Variants in MIB1 observed in about 807,000 individuals in gnomAD.
MIB1 encodes the protein MIB E3 ubiquitin protein ligase 1, also known as E3 ubiquitin-protein ligase MIB1.
Under a neutral mutation model 124.5 loss-of-function variants are expected in MIB1, and 278 were observed. That is an observed-to-expected ratio of 2.23 (90% CI 2.02 to 2.47). The LOEUF (loss-of-function observed/expected upper bound fraction) is 2.47. MIB1 is among the 30% of genes most tolerant of loss of function. The pLI, the probability that MIB1 is intolerant of heterozygous loss-of-function variation, is 0.00. For missense variants in MIB1, 957 were observed against 1,254.4 expected (o/e 0.76, Z 3.58); for synonymous variants, 446 against 429.4 (o/e 1.04, Z -0.48).
chr18:21,841,444 A>T (rs898335014), intron 13 of MIB1, among the ~76,000 whole-genome samples: 1 of 152,214 alleles, frequency 6.6e-6, no homozygotes. Context: ...CACTTTACTA[A>T]AGGAGATATA....
At position 21,849,234 on chromosome 18, in the gene MIB1, A is replaced by G. The variant is rs757717286; in HGVS notation, c.2432A>G (p.Asn811Ser). The G allele has an allele frequency of 5.6e-6, 9 of 1,603,618 alleles. No homozygotes were observed. The African/African-American group carries it at 9.4e-5, about 17-fold the overall frequency. ...TCTCGGAGTCCTTCTATGATTAGTA[A>G]TGATTCTGAAACCTTAGAAGAGTGT... The part of the protein sequence containing the change: ...VGSRSPSMIS[N>S]DSETLEECMV... Residue 811 changes from asparagine to serine, a missense_variant, in exon 17 of 21, where the codon AAT (asparagine) becomes AGT (serine). Transcript: ENST00000261537.
At chr18:21,708,436 T>C (rs373472425) in intron 1 of MIB1, among the ~76,000 whole-genome samples, 30 of 152,014 alleles carry the variant, frequency 2.0e-4, no homozygotes, top group Admixed American at 1.2e-3. Context: ...GTTGAGTCAC[T>C]TGAGGTCAGG....
At chr18:21,817,462 A>T (rs1330630862) in intron 11 of MIB1, among the ~76,000 whole-genome samples, 3 of 152,198 alleles carry the variant, frequency 2.0e-5, no homozygotes, top group Non-Finnish European at 2.9e-5. Context: ...TATTCCTGGG[A>T]TTAGCAAACA....
rs2041258649 is a variant in MIB1 at position 21,774,534 on chromosome 18, T to C, written c.636+806T>C. 2.0e-5 allele frequency among the ~76,000 whole-genome samples: 3 copies of C among 152,162 alleles called. No homozygotes were observed. In the South Asian group the frequency reaches 6.2e-4, roughly 32 times the overall value. The stretch of plus-strand genomic sequence containing the variant: ...ACCACGAGGGTCGGGGTGCAGAGCT[T>C]TCAATGAGCCGAGATCACGCCATTG... On this transcript the variant is annotated intron_variant, in intron 4 of 20. Coordinates refer to ENST00000261537, the MANE Select transcript of MIB1 (RefSeq NM_020774.4).
At chr18:21,713,785 G>C (rs1473251967) in intron 1 of MIB1, among the ~76,000 whole-genome samples, 1 of 148,832 alleles carries the variant, frequency 6.7e-6, no homozygotes, top group African/African-American at 2.5e-5. Flanking sequence ...TTTAGTAGAG[G>C]TGGGGGTTTC....
At chr18:21,707,555 G>A (rs1471010762) in intron 1 of MIB1, among the ~76,000 whole-genome samples, 1 of 152,248 alleles carries the variant, frequency 6.6e-6, no homozygotes, top group South Asian at 2.1e-4. Context: ...CACTCACTGC[G>A]AAGGTTTGCA....
chr18:21,864,225 C>G (rs1290849007), intron 20 of MIB1, among the ~76,000 whole-genome samples: 2 of 152,108 alleles, frequency 1.3e-5, no homozygotes, highest in East Asian at 3.9e-4. Flanking sequence ...ATTCTCGCGC[C>G]TCAGCCTCTT....
intron 2 of MIB1, among the ~76,000 whole-genome samples, chr18:21,766,721 A>T (rs1310458531): frequency 1.4e-4 from 21 of 152,090 alleles, no homozygotes; most frequent in Admixed American, 1.4e-3. Flanking sequence ...TGCAATTAAA[A>T]TTAAGGAATA....
At chr18:21,777,633 C>T (rs1280081603) in intron 4 of MIB1, among the ~76,000 whole-genome samples, 2 of 152,116 alleles carry the variant, frequency 1.3e-5, no homozygotes, top group Non-Finnish European at 2.9e-5. Context: ...CAGCTCACTG[C>T]AACCTCTGCC....
chr18:21,722,202 G>A (rs756003714), intron 1 of MIB1, among the ~76,000 whole-genome samples: 7 of 149,884 alleles, frequency 4.7e-5, no homozygotes, highest in East Asian at 2.0e-4. Flanking sequence ...TTATAGGCAC[G>A]AACCACCACA....
intron 15 of MIB1, among the ~76,000 whole-genome samples, chr18:21,845,173 G>A (rs2042124815): frequency 6.6e-6 from 1 of 152,088 alleles, no homozygotes; most frequent in South Asian, 2.1e-4. Context: ...ACCACGCCCA[G>A]CTAATTTTTT....
intron 1 of MIB1, among the ~76,000 whole-genome samples, chr18:21,731,142 T>C (rs918359737): frequency 5.9e-5 from 9 of 152,238 alleles, no homozygotes; most frequent in African/African-American, 9.6e-5. Context: ...AATACACTTA[T>C]CCTTCTGAAT....
intron 1 of MIB1, among the ~76,000 whole-genome samples, chr18:21,732,351 T>TACAC (rs59731612): frequency 0.2 from 27,860 of 140,774 alleles, 3,094 homozygotes; most frequent in Admixed American, 0.27. Flanking sequence ...ATTATATGTA[T>TACAC]ACACACACAC....
intron 20 of MIB1, among the ~76,000 whole-genome samples, chr18:21,860,346 A>G (rs1270547266): frequency 6.6e-6 from 1 of 151,762 alleles, no homozygotes; most frequent in Non-Finnish European, 1.5e-5. Context: ...AGGGATCTAC[A>G]CACCTTGGCC....
chr18:21,720,788 A>C (rs180943426), intron 1 of MIB1, among the ~76,000 whole-genome samples: 16 of 152,266 alleles, frequency 1.1e-4, no homozygotes, highest in Admixed American at 9.2e-4. Flanking sequence ...GTCTCTACAA[A>C]AAATAAGAAA....
rs2040856821 is a variant in MIB1, at chr18:21,741,840, T to TGCGC, written c.229+34_229+37dup. On this transcript the variant is annotated intron_variant, in intron 1 of 20. Transcript: ENST00000261537. The surrounding 1 kb of genome is among the most constrained non-coding windows in gnomAD (Gnocchi z 5.4). Reference sequence around the variant, plus strand: ...AAGCCGCGGCCACCTGGCCAGGGCTTGCGCGCGCGGGGGGAAGGGGCGAGC... The same window carrying TGCGC: ...AAGCCGCGGCCACCTGGCCAGGGCTTGCGCGCGCGCGCGGGGGGAAGGGGCGAGC... 1 of 1,538,856 alleles carries TGCGC rather than the reference T, an allele frequency of 6.5e-7. No individual in the cohort carries two copies. Among genetic ancestry groups the TGCGC allele is most frequent in the Non-Finnish European group, 8.8e-7 (1 of 1,140,350 alleles).
intron 4 of MIB1, among the ~76,000 whole-genome samples, chr18:21,776,784 GACCAGCCTGGCCAGCATGGTGAA>G (rs1431696617): frequency 6.6e-6 from 1 of 152,158 alleles, no homozygotes; most frequent in Non-Finnish European, 1.5e-5. Context: ...AGGCGTTCGA[GACCAGCCTGGCCAGCATGGTGAA>G]ACCTCGTAAA....
chr18:21,853,278 TTA>T (rs2042197479), intron 18 of MIB1, 60 bp downstream of exon 18: 1 of 1,334,218 alleles, frequency 7.5e-7, no homozygotes, highest in Admixed American at 2.0e-5. Context: ...GAAACAAAAA[TTA>T]TGTTTTTGAG....
chr18:21,745,675 A>AACACACACACACACACACACAC (rs144491531), intron 1 of MIB1, among the ~76,000 whole-genome samples: 33 of 144,748 alleles, frequency 2.3e-4, no homozygotes, highest in African/African-American at 6.6e-4. Context: ...ATAGGTGTTA[A>AACACACACACACACACACACAC]ACACACACAC....
Sources: allele counts gnomAD v4.1 joint callset (sites outside exome capture counted in the v4.1 genomes callset), GRCh38; gene constraint gnomAD v4.1.1; non-coding constraint Gnocchi (gnomAD v3.1); transcripts MANE v1.5; gene names NCBI Gene and HGNC (gene_info 2026-07-23, HGNC 2026-07-21).